AUTS2: variants seen among roughly 807,000 people sequenced by gnomAD.
AUTS2 encodes the protein activator of transcription and developmental regulator AUTS2.
Under a neutral mutation model 112.4 loss-of-function variants are expected in AUTS2, and 17 were observed. The ratio of observed to expected loss-of-function variants is 0.15; its 90% CI spans 0.10 to 0.23. The LOEUF (loss-of-function observed/expected upper bound fraction) is 0.23, where lower values mean the gene tolerates loss of function less well. Among genes scored for constraint, AUTS2 ranks in the 10% least tolerant of loss-of-function variants. The pLI is 1.00. For synonymous variants in AUTS2, 751 were observed against 702.7 expected (o/e 1.07, Z -1.09); for missense variants, 1,510 against 1,701.6 (o/e 0.89, Z 1.98).
intron 4 of AUTS2, among the ~76,000 whole-genome samples, chr7:70,272,733 TTTTG>T (rs145197541): frequency 0.23 from 34,178 of 151,690 alleles, 3,862 homozygotes; most frequent in Middle Eastern, 0.33. Context: ...GTTGCTGTTT[TTTTG>T]TTTGTTTGTT....
chr7:70,153,303 A>G (rs1807546967), intron 4 of AUTS2, among the ~76,000 whole-genome samples: 2 of 152,212 alleles, frequency 1.3e-5, no homozygotes, highest in Admixed American at 1.3e-4. Context: ...TCCTGAGTAA[A>G]AAAAGAAGCC....
At chr7:69,788,992 C>T (rs1789499897) in intron 1 of AUTS2, among the ~76,000 whole-genome samples, 2 of 152,084 alleles carry the variant, frequency 1.3e-5, no homozygotes, top group Admixed American at 1.3e-4. Context: ...GATGTAAAGT[C>T]TTTCTTAAAA....
At chr7:70,639,616 C>A (rs1363704225) in intron 5 of AUTS2, among the ~76,000 whole-genome samples, 154 of 74,996 alleles carry the variant, frequency 2.1e-3, no homozygotes, top group South Asian at 5.7e-3. Flanking sequence ...GACCCTGTCT[C>A]AAAAAAAAAA....
chr7:70,570,042 G>A (rs147041929), intron 5 of AUTS2, among the ~76,000 whole-genome samples: 10 of 152,216 alleles, frequency 6.6e-5, no homozygotes, highest in South Asian at 2.1e-4. Context: ...TAGGAACCTC[G>A]GATAGGAAGC....
At chr7:70,452,465 A>G (rs1286694507) in intron 5 of AUTS2, among the ~76,000 whole-genome samples, 1 of 152,090 alleles carries the variant, frequency 6.6e-6, no homozygotes, top group Non-Finnish European at 1.5e-5. Flanking sequence ...TCTCAATAAT[A>G]CTACTATTAA....
At chr7:69,884,541 C>A (rs1794193794) in intron 1 of AUTS2, among the ~76,000 whole-genome samples, 1 of 152,186 alleles carries the variant, frequency 6.6e-6, no homozygotes, top group Admixed American at 6.5e-5. Context: ...TGACTGCCTG[C>A]AGTTTAATAA....
At chr7:70,758,076 C>A (rs1326814360) in intron 6 of AUTS2, among the ~76,000 whole-genome samples, 1 of 152,046 alleles carries the variant, frequency 6.6e-6, no homozygotes, top group African/African-American at 2.4e-5. Flanking sequence ...GCCGCTGCGC[C>A]CAGCCACACG....
intron 2 of AUTS2, among the ~76,000 whole-genome samples, chr7:70,001,413 A>G (rs1391268217): frequency 6.6e-6 from 1 of 152,132 alleles, no homozygotes; most frequent in Non-Finnish European, 1.5e-5. Context: ...GGTGCGAGAC[A>G]CCACACGGCC....
intron 5 of AUTS2, among the ~76,000 whole-genome samples, chr7:70,610,422 TC>T (rs1411798941): frequency 4.4e-5 from 5 of 114,470 alleles, no homozygotes; most frequent in South Asian, 2.8e-4. Context: ...TTAGCGCTCA[TC>T]TTTTTTTTTT....
chr7:70,161,829 G>A (rs1454228272), intron 4 of AUTS2, among the ~76,000 whole-genome samples: 4 of 152,102 alleles, frequency 2.6e-5, no homozygotes, highest in Non-Finnish European at 4.4e-5. Flanking sequence ...CAGTGGCCTC[G>A]TGGTGTAATT....
Position 70,498,513 on chromosome 7 carries a change from G to A in AUTS2, c.690+62732G>A, listed in dbSNP as rs147036699. ...AAAACATGTCAGGGCCTGGTCTCAAGTGTTTCTCTTAAATGGGATAGAATC... is the reference window on the plus strand; with the variant it reads ...AAAACATGTCAGGGCCTGGTCTCAAATGTTTCTCTTAAATGGGATAGAATC... On this transcript the variant is annotated intron_variant, in intron 5 of 18. Coordinates refer to ENST00000342771, the MANE Select transcript of AUTS2 (RefSeq NM_015570.4). Among the ~76,000 whole-genome samples the A allele has an allele frequency of 1.5e-3, 227 of 152,260 alleles. 1 individual carries two copies. Among genetic ancestry groups the A allele is most frequent in the African/African-American group, 2.2e-3 (91 of 41,536 alleles).
At chr7:69,872,009 C>T (rs1341457848) in intron 1 of AUTS2, among the ~76,000 whole-genome samples, 4 of 152,278 alleles carry the variant, frequency 2.6e-5, no homozygotes, top group Non-Finnish European at 4.4e-5. Context: ...GGAATTCGCT[C>T]GCGCCTGTTG....
intron 4 of AUTS2, among the ~76,000 whole-genome samples, chr7:70,195,910 T>C (rs1810148011): frequency 2.0e-5 from 3 of 151,860 alleles, no homozygotes; most frequent in Admixed American, 1.3e-4. Flanking sequence ...TGCTCTTCCA[T>C]GTTACTACTC....
chr7:70,673,801 C>G (rs1448544120), intron 5 of AUTS2, among the ~76,000 whole-genome samples: 1 of 152,218 alleles, frequency 6.6e-6, no homozygotes, highest in African/African-American at 2.4e-5. Flanking sequence ...ACAGAATCAT[C>G]TACTTCTATT....
chr7:69,967,149 T>G (rs1014262574), intron 2 of AUTS2, among the ~76,000 whole-genome samples: 1 of 152,206 alleles, frequency 6.6e-6, no homozygotes, highest in Non-Finnish European at 1.5e-5. Flanking sequence ...TGATCTTGTT[T>G]TGGAGATCAT....
chr7:70,213,158 A>G (rs1462155878), intron 4 of AUTS2, among the ~76,000 whole-genome samples: 1 of 152,156 alleles, frequency 6.6e-6, no homozygotes, highest in South Asian at 2.1e-4. Flanking sequence ...AATACTGTAT[A>G]TCAACGAATT....
At chr7:70,708,144 A>C (rs954323398) in intron 6 of AUTS2, among the ~76,000 whole-genome samples, 5 of 152,148 alleles carry the variant, frequency 3.3e-5, no homozygotes, top group Admixed American at 3.3e-4. Flanking sequence ...CACCTTTCAC[A>C]TCTCTCAGCA....
intron 1 of AUTS2, among the ~76,000 whole-genome samples, chr7:69,747,992 A>G (rs1365359727): frequency 6.6e-6 from 1 of 152,080 alleles, no homozygotes; most frequent in African/African-American, 2.4e-5. Flanking sequence ...TCTAATTAAA[A>G]AAATTTCAAA....
intron 4 of AUTS2, among the ~76,000 whole-genome samples, chr7:70,287,737 G>A (rs1440569728): frequency 6.6e-6 from 1 of 150,548 alleles, no homozygotes; most frequent in East Asian, 1.9e-4. Context: ...TTTTTGTTTG[G>A]ACAAGCCAAT....
Sources: allele counts gnomAD v4.1 joint callset (sites outside exome capture counted in the v4.1 genomes callset), GRCh38; gene constraint gnomAD v4.1.1; transcripts MANE v1.5; gene names NCBI Gene and HGNC (gene_info 2026-07-23, HGNC 2026-07-21).